Variants in RNF145 observed in about 807,000 individuals in gnomAD.
RNF145 encodes ring finger protein 145.
Under a neutral mutation model 57.3 loss-of-function variants are expected in RNF145, and 12 were observed. That is an observed-to-expected ratio of 0.21 (90% CI 0.13 to 0.34). The LOEUF (loss-of-function observed/expected upper bound fraction) is 0.34. Among genes scored for constraint, RNF145 ranks in the 10% least tolerant of loss-of-function variants. The pLI, the probability that RNF145 is intolerant of heterozygous loss-of-function variation, is 1.00. For synonymous variants in RNF145, 262 were observed against 288.3 expected (o/e 0.91, Z 0.92); for missense variants, 429 against 799.0 (o/e 0.54, Z 5.58).
At chr5:159,203,724 A>G in intron 1 of RNF145, 68 bp from the exon 2 acceptor site, 1 of 992,636 alleles carries the variant, frequency 1.0e-6, no homozygotes, top group East Asian at 2.6e-5. Context: ...ATACCCTTTC[A>G]CGAATCTAAT....
intron 8 of RNF145, among the ~76,000 whole-genome samples, chr5:159,166,113 C>T (rs1784386329): frequency 6.6e-6 from 1 of 152,190 alleles, no homozygotes; most frequent in South Asian, 2.1e-4. Context: ...CCTCCCCTTT[C>T]TATCTCCTTC....
intron 5 of RNF145, 69 bp from the exon 6 acceptor site, chr5:159,174,227 A>G: frequency 9.7e-7 from 1 of 1,026,678 alleles, no homozygotes; most frequent in Non-Finnish European, 1.4e-6. Context: ...CACTTGAGTC[A>G]AATCAGAAGT....
rs553801809 is a variant in RNF145 at position 159,161,757 on chromosome 5, A to G, written c.1270-135T>C. 1.1e-5 allele frequency: 6 copies of G among 551,898 alleles called. No homozygotes were observed. In the East Asian group the frequency reaches 1.2e-4, roughly 11 times the overall value. The allele number at this position is 551,898 out of a possible 1,614,324, so 34.2% of individuals were successfully genotyped here. A position where few individuals can be genotyped will look rare whatever the true frequency, so the allele number is the denominator to read the frequency against. ...AAATATACAGAAGAGTATCCAGGGG[A>G]AAAAAAAGTTTTAATAAATAAAAAA... On this transcript the variant is annotated intron_variant, in intron 9 of 10. Coordinates refer to ENST00000424310, the MANE Select transcript of RNF145 (RefSeq NM_001199383.2).
intron 3 of RNF145, among the ~76,000 whole-genome samples, chr5:159,186,093 G>GT (rs1785044528): frequency 6.6e-6 from 1 of 152,132 alleles, no homozygotes; most frequent in Non-Finnish European, 1.5e-5. Flanking sequence ...GCCAGGCGTG[G>GT]TAATGCCTAT....
At chr5:159,208,278 G>A in intron 1 of RNF145, 1 of 568,906 alleles carries the variant, frequency 1.8e-6, no homozygotes, top group Non-Finnish European at 2.6e-6. Context: ...ACTCTTCCAG[G>A]AAAGAGGCTC....
chr5:159,207,778 C>A, intron 1 of RNF145: 2 of 1,614,162 alleles, frequency 1.2e-6, no homozygotes, highest in Non-Finnish European at 1.7e-6. Context: ...AAACTACTAG[C>A]AATTCTGTGG....
rs116984162 is a variant in RNF145 at position 159,190,885 on chromosome 5, T to C, written c.293+3831A>G. On this transcript the variant is annotated intron_variant, in intron 3 of 10. Transcript: ENST00000424310. ...CCTTTTGTGAGATACTATCATATAG[T>C]ATAAATTATACTAAGAGGAAAATAT... Among the ~76,000 whole-genome samples, 47 of 152,166 alleles carry C rather than the reference T, an allele frequency of 3.1e-4. No individual in the cohort carries two copies. In the East Asian group the frequency reaches 9.1e-3, roughly 29 times the overall value.
intron 1 of RNF145, chr5:159,208,011 C>T (rs911765449): frequency 2.0e-6 from 3 of 1,536,870 alleles, no homozygotes; most frequent in Non-Finnish European, 2.6e-6. Flanking sequence ...GACACACAGT[C>T]CTCTCCTTCC....
chr5:159,157,458 T>A lies in RNF145; in HGVS notation c.*1212A>T, dbSNP rs543107534. The A allele has an allele frequency of 6.5e-6, 1 of 152,900 alleles. No homozygotes were observed. Among genetic ancestry groups the A allele is most frequent in the African/African-American group, 2.4e-5 (1 of 41,592 alleles). 9.5% of individuals were successfully genotyped at this position (152,900 alleles called of 1,614,324 possible). On this transcript the variant is annotated 3_prime_UTR_variant, in exon 11 of 11. Coordinates refer to ENST00000424310, the MANE Select transcript of RNF145 (RefSeq NM_001199383.2). Reference sequence around the variant, plus strand: ...AGACATTCAGCTATGTCTGTCAGTCTACATCCAAATTTGCTACTAAAAATA... The same window carrying A: ...AGACATTCAGCTATGTCTGTCAGTCAACATCCAAATTTGCTACTAAAAATA...
chr5:159,202,815 C>A (rs1187141137), intron 2 of RNF145, among the ~76,000 whole-genome samples: 1 of 151,646 alleles, frequency 6.6e-6, no homozygotes, highest in South Asian at 2.1e-4. Context: ...CTGTTTCATG[C>A]TTGTATTTCT....
At chr5:159,176,957 A>G in intron 4 of RNF145, 90 bp from the exon 5 acceptor site, 1 of 702,868 alleles carries the variant, frequency 1.4e-6, no homozygotes. Context: ...AAGGATAATA[A>G]CACAACTTTT....
At position 159,176,668 on chromosome 5, in the gene RNF145, A is replaced by G. The variant is rs1246339537; in HGVS notation, c.585T>C (p.Tyr195=). 3 of 1,611,980 alleles carry G rather than the reference A, an allele frequency of 1.9e-6. No individual in the cohort carries two copies. The highest frequency in any genetic ancestry group is 2.5e-6 in the Non-Finnish European group (3 of 1,178,360). Residue 195 remains tyrosine (Y), a synonymous_variant, in exon 5 of 11, where the codon TAT becomes TAC. Transcript: ENST00000424310. Reference sequence around the variant, plus strand: ...CTCTGTATGCAGATTTAGCAAGGTTATAAGGTACCAAAAGATTAGACCCAA... The same window carrying G: ...CTCTGTATGCAGATTTAGCAAGGTTGTAAGGTACCAAAAGATTAGACCCAA... ...YFLGSNLLVP[Y]NLAKSAYREL...
intron 3 of RNF145, among the ~76,000 whole-genome samples, chr5:159,184,477 GATAA>G (rs1305426766): frequency 4.6e-5 from 7 of 152,264 alleles, no homozygotes; most frequent in African/African-American, 1.7e-4. Flanking sequence ...AGGGAGGGGA[GATAA>G]ATACTTAGTC....
Position 159,158,375 on chromosome 5 carries a change from G to A in RNF145, c.*295C>T, listed in dbSNP as rs1028813078. ...ATCTGATTTTATTTCTCTCTCACAC[G>A]TATCAGGGGCAGTTTCTGAAGTTGC... On this transcript the variant is annotated 3_prime_UTR_variant, in exon 11 of 11. Coordinates refer to ENST00000424310, the MANE Select transcript of RNF145 (RefSeq NM_001199383.2). 1.8e-5 allele frequency: 6 copies of A among 342,248 alleles called. No homozygotes were observed. Among genetic ancestry groups the A allele is most frequent in the South Asian group, 4.1e-5 (1 of 24,192 alleles). 21.2% of individuals were successfully genotyped at this position (342,248 alleles called of 1,614,324 possible).
At chr5:159,210,043 G>C (rs1786058007), upstream of RNF145, 3 of 674,634 alleles carry the variant, frequency 4.4e-6, no homozygotes, top group South Asian at 5.1e-5. Context: ...TAAGTGACTG[G>C]ATGAATGAAT....
chr5:159,193,756 T>C (rs1259133108), intron 3 of RNF145, among the ~76,000 whole-genome samples: 3 of 152,210 alleles, frequency 2.0e-5, no homozygotes, highest in Non-Finnish European at 4.4e-5. Context: ...GTAATTCTAA[T>C]AATGTAAAAA....
At chr5:159,202,541 G>T (rs963849689) in intron 2 of RNF145, among the ~76,000 whole-genome samples, 1 of 151,968 alleles carries the variant, frequency 6.6e-6, no homozygotes, top group Non-Finnish European at 1.5e-5. Context: ...TAAGGGGAAC[G>T]TTCTCAGGGC....
At chr5:159,192,180 T>A (rs926233257) in intron 3 of RNF145, among the ~76,000 whole-genome samples, 4 of 152,084 alleles carry the variant, frequency 2.6e-5, no homozygotes, top group Non-Finnish European at 4.4e-5. Context: ...AATCCAGAGA[T>A]GAATTAAAGT....
chr5:159,159,247 C>T (rs933089619), intron 10 of RNF145, among the ~76,000 whole-genome samples: 3 of 152,138 alleles, frequency 2.0e-5, no homozygotes, highest in Non-Finnish European at 4.4e-5. Flanking sequence ...TGGCTAAGTA[C>T]TTTCTAAAAG....
Sources: allele counts gnomAD v4.1 joint callset (sites outside exome capture counted in the v4.1 genomes callset), GRCh38; gene constraint gnomAD v4.1.1; transcripts MANE v1.5; gene names NCBI Gene and HGNC (gene_info 2026-07-23, HGNC 2026-07-21).